MBD5: variants seen among roughly 807,000 people sequenced by gnomAD.
The protein encoded by MBD5 is methyl-CpG binding domain protein 5, also known as methyl-CpG-binding domain protein 5.
Under a neutral mutation model 117.3 loss-of-function variants are expected in MBD5, and 13 were observed. That is an observed-to-expected ratio of 0.11 (90% CI 0.07 to 0.18). MBD5 has a LOEUF of 0.18. Ranked by LOEUF, MBD5 falls within the 10% of genes least tolerant of loss-of-function variation. The pLI is 1.00. For synonymous variants in MBD5, 727 were observed against 766.4 expected, an observed-to-expected ratio of 0.95 and a Z score of 0.85; for missense variants, 1,879 against 2,093.8, an observed-to-expected ratio of 0.90 and a Z score of 2.00.
chr2:148,336,217 T>C (rs542289586), intron 3 of MBD5, among the ~76,000 whole-genome samples: 59 of 152,318 alleles, frequency 3.9e-4, no homozygotes, highest in African/African-American at 1.4e-3. Flanking sequence ...TAAAACATTG[T>C]TTGCCTATAT....
intron 1 of MBD5, among the ~76,000 whole-genome samples, chr2:148,057,533 C>A (rs1487215276): frequency 6.6e-6 from 1 of 150,974 alleles, no homozygotes. Context: ...TTATTGATTT[C>A]TATGTACATT....
chr2:148,327,902 A>G lies in MBD5; in HGVS notation c.-679-14312A>G, dbSNP rs1353842759. On this transcript the variant is annotated intron_variant, in intron 3 of 13. Coordinates refer to ENST00000642680, the MANE Select transcript of MBD5 (RefSeq NM_001378120.1). ...CTGGTGAGGAACTGCGTTCCTTTGG[A>G]GGAGGAGAGGCGCTCTGCTTTTTAG... 2.0e-5 allele frequency among the ~76,000 whole-genome samples: 3 copies of G among 152,044 alleles called. No individual in the cohort carries two copies. In the East Asian group the frequency reaches 5.8e-4, roughly 29 times the overall value.
At position 148,247,156 on chromosome 2, in the gene MBD5, G is replaced by T. The variant is rs546471264; in HGVS notation, c.-680+13761G>T. Among the ~76,000 whole-genome samples the T allele has an allele frequency of 9.2e-5, 14 of 151,904 alleles. No individual in the cohort carries two copies. The South Asian group carries it at 2.5e-3, about 27-fold the overall frequency. On this transcript the variant is annotated intron_variant, in intron 3 of 13. Transcript: ENST00000642680. ...ATGTCTTCCACCTAATTCTTTTCCTGTCTCTATCACTGTTTCTTGAAACCA... is the reference window on the plus strand; with the variant it reads ...ATGTCTTCCACCTAATTCTTTTCCTTTCTCTATCACTGTTTCTTGAAACCA...
intron 1 of MBD5, among the ~76,000 whole-genome samples, chr2:148,036,734 T>G (rs975489673): frequency 6.6e-6 from 1 of 152,076 alleles, no homozygotes; most frequent in African/African-American, 2.4e-5. Context: ...TCATTTCTAT[T>G]AAGTGATTCC....
intron 1 of MBD5, among the ~76,000 whole-genome samples, chr2:148,023,383 T>C (rs755967347): frequency 2.6e-5 from 4 of 152,236 alleles, no homozygotes; most frequent in Non-Finnish European, 5.9e-5. Flanking sequence ...ATTTTAATTA[T>C]CAACTGTGTG....
intron 2 of MBD5, among the ~76,000 whole-genome samples, chr2:148,231,230 A>G (rs1044467286): frequency 1.3e-5 from 2 of 152,182 alleles, no homozygotes; most frequent in African/African-American, 4.8e-5. Context: ...AGTTTGGACC[A>G]CTGGGATTGG....
intron 8 of MBD5, among the ~76,000 whole-genome samples, chr2:148,473,606 A>G (rs1417743282): frequency 6.6e-6 from 1 of 152,162 alleles, no homozygotes; most frequent in African/African-American, 2.4e-5. Flanking sequence ...TTGGTAATCT[A>G]TTTTTAAATC....
At chr2:148,201,989 C>G (rs1699156111) in intron 2 of MBD5, among the ~76,000 whole-genome samples, 1 of 152,124 alleles carries the variant, frequency 6.6e-6, no homozygotes, top group Non-Finnish European at 1.5e-5. Flanking sequence ...TCAGTCCGGT[C>G]CTTGGATTTA....
At chr2:148,461,712 C>A (rs1006196482) in intron 5 of MBD5, among the ~76,000 whole-genome samples, 1 of 152,106 alleles carries the variant, frequency 6.6e-6, no homozygotes, top group Non-Finnish European at 1.5e-5. Flanking sequence ...TCCTAAAATG[C>A]AGATTGTCCA....
intron 1 of MBD5, among the ~76,000 whole-genome samples, chr2:148,172,801 C>T (rs11896415): frequency 0.012 from 1,875 of 152,268 alleles, 44 homozygotes; most frequent in African/African-American, 0.043. Flanking sequence ...CAGACTCATA[C>T]AGACCGTTGG....
chr2:148,420,654 C>G (rs148531668), intron 4 of MBD5, among the ~76,000 whole-genome samples: 86 of 152,244 alleles, frequency 5.6e-4, no homozygotes, highest in Non-Finnish European at 9.1e-4. Context: ...TATACTCAAG[C>G]CAGGTCCAGC....
chr2:148,470,738 G>A lies in MBD5; in HGVS notation c.2518+277G>A, dbSNP rs1046174587. ...CTTTCACTTGGTTTTATAACCATTG[G>A]ACTCCAAACTGCAAAATAAGCCATA... On this transcript the variant is annotated intron_variant, in intron 8 of 13. Coordinates refer to ENST00000642680, the MANE Select transcript of MBD5 (RefSeq NM_001378120.1). The A allele has an allele frequency of 3.1e-5, 14 of 455,746 alleles. No individual in the cohort carries two copies. The East Asian group carries it at 4.5e-4, about 15-fold the overall frequency. The allele number at this position is 455,746 out of a possible 1,614,324, so 28.2% of individuals were successfully genotyped here.
chr2:148,444,360 C>G (rs767974996), intron 4 of MBD5, among the ~76,000 whole-genome samples: 7 of 151,136 alleles, frequency 4.6e-5, no homozygotes, highest in Non-Finnish European at 1.0e-4. Flanking sequence ...AATACTTTGT[C>G]AAGAAAACAG....
At chr2:148,398,441 A>G (rs547705543) in intron 4 of MBD5, among the ~76,000 whole-genome samples, 23 of 152,162 alleles carry the variant, frequency 1.5e-4, no homozygotes, top group African/African-American at 5.5e-4. Flanking sequence ...TTGGCTGCAT[A>G]AATGTCTTCT....
intron 1 of MBD5, among the ~76,000 whole-genome samples, chr2:148,050,530 A>G (rs1694667408): frequency 6.6e-6 from 1 of 152,164 alleles, no homozygotes; most frequent in South Asian, 2.1e-4. Context: ...TTCACTCTCT[A>G]TAATGTCATT....
intron 1 of MBD5, among the ~76,000 whole-genome samples, chr2:148,100,918 T>C (rs890012995): frequency 9.2e-5 from 14 of 152,114 alleles, no homozygotes; most frequent in Non-Finnish European, 1.9e-4. Flanking sequence ...ATAGGATTGA[T>C]TGATTGATTG....
At chr2:148,101,503 A>C (rs1404327793) in intron 1 of MBD5, among the ~76,000 whole-genome samples, 2 of 152,150 alleles carry the variant, frequency 1.3e-5, no homozygotes, top group African/African-American at 4.8e-5. Context: ...GAAATCAAAA[A>C]TATTTTTAAT....
chr2:148,366,744 A>C (rs1703711628), intron 4 of MBD5, among the ~76,000 whole-genome samples: 1 of 152,174 alleles, frequency 6.6e-6, no homozygotes. Context: ...CAAAGAGAAT[A>C]AAATACCTAG....
At chr2:148,414,020 G>C (rs1423278110) in intron 4 of MBD5, among the ~76,000 whole-genome samples, 1 of 151,498 alleles carries the variant, frequency 6.6e-6, no homozygotes, top group Non-Finnish European at 1.5e-5. Flanking sequence ...ATTGGAGTTG[G>C]TTTGGTGTTG....
Sources: allele counts gnomAD v4.1 joint callset (sites outside exome capture counted in the v4.1 genomes callset), GRCh38; gene constraint gnomAD v4.1.1; transcripts MANE v1.5; gene names NCBI Gene and HGNC (gene_info 2026-07-23, HGNC 2026-07-21).